The following OC90 variants were observed in gnomAD, a reference collection of about 807,000 sequenced individuals.
OC90 encodes the protein otoconin-90.
Under a neutral mutation model 47.3 loss-of-function variants are expected in OC90, and 46 were observed. The ratio of observed to expected loss-of-function variants is 0.97; its 90% CI spans 0.77 to 1.24. The LOEUF is 1.24. Ranked by LOEUF, OC90 falls within the 50% of genes most tolerant of loss-of-function variation. The probability of loss-of-function intolerance (pLI) is 0.00; values close to 1 mark genes in which losing one functional copy is unlikely to be tolerated. For missense variants in OC90, 688 were observed against 583.9 expected, an observed-to-expected ratio of 1.18 and a Z score of -1.84; for synonymous variants, 271 against 219.5, an observed-to-expected ratio of 1.23 and a Z score of -2.07.
At chr8:132,051,018 T>C (rs1823205661) in intron 2 of OC90, among the ~76,000 whole-genome samples, 1 of 152,102 alleles carries the variant, frequency 6.6e-6, no homozygotes, top group East Asian at 1.9e-4. Context: ...AATGATAATA[T>C]AACTGCATAA....
At chr8:132,044,872 G>C (rs1018387727) in intron 3 of OC90, among the ~76,000 whole-genome samples, 6 of 152,176 alleles carry the variant, frequency 3.9e-5, no homozygotes, top group Non-Finnish European at 7.3e-5. Context: ...GTCATTACTA[G>C]AGATACTGAT....
At chr8:132,035,183 C>G (rs114945430) in intron 9 of OC90, among the ~76,000 whole-genome samples, 2 of 152,216 alleles carry the variant, frequency 1.3e-5, no homozygotes, top group Non-Finnish European at 2.9e-5. Flanking sequence ...AGCACAGAGA[C>G]AGCAGAATTG....
intron 6 of OC90, among the ~76,000 whole-genome samples, chr8:132,039,387 C>G (rs1823021072): frequency 6.6e-6 from 1 of 152,180 alleles, no homozygotes; most frequent in African/African-American, 2.4e-5. Context: ...ATCTCCACAC[C>G]TCCACTGTAC....
chr8:132,055,950 T>G (rs189677969), intron 1 of OC90, among the ~76,000 whole-genome samples: 1 of 152,340 alleles, frequency 6.6e-6, no homozygotes, highest in East Asian at 1.9e-4. Context: ...TAAAATAATA[T>G]TTGCCCCCTT....
intron 2 of OC90, among the ~76,000 whole-genome samples, chr8:132,048,013 C>T (rs1823157329): frequency 6.6e-6 from 1 of 152,198 alleles, no homozygotes; most frequent in Non-Finnish European, 1.5e-5. Context: ...TCCATTTGCC[C>T]TTCCGCACTT....
chr8:132,046,838 G>A, intron 2 of OC90, among the ~76,000 whole-genome samples: 1 of 152,214 alleles, frequency 6.6e-6, no homozygotes, highest in Non-Finnish European at 1.5e-5. Flanking sequence ...ATCCTTCACA[G>A]AAGCATGTTA....
chr8:132,039,942 C>T (rs1016114113), intron 6 of OC90, among the ~76,000 whole-genome samples: 1 of 152,124 alleles, frequency 6.6e-6, no homozygotes, highest in Non-Finnish European at 1.5e-5. Flanking sequence ...CAGCTCTTGT[C>T]CCTCTCTAAC....
chr8:132,033,394 G>C (rs1012755977), intron 10 of OC90, among the ~76,000 whole-genome samples: 2 of 152,132 alleles, frequency 1.3e-5, no homozygotes, highest in Non-Finnish European at 2.9e-5. Flanking sequence ...AGACCACCTG[G>C]ATGACATCCC....
chr8:132,026,519 C>T (rs1482190626), intron 13 of OC90, among the ~76,000 whole-genome samples: 2 of 152,184 alleles, frequency 1.3e-5, no homozygotes, highest in Non-Finnish European at 2.9e-5. Context: ...CCACTCTGTC[C>T]TTCCTCCCTG....
intron 6 of OC90, among the ~76,000 whole-genome samples, chr8:132,039,944 C>T (rs532242003): frequency 6.6e-6 from 1 of 152,302 alleles, no homozygotes; most frequent in African/African-American, 2.4e-5. Flanking sequence ...GCTCTTGTCC[C>T]TCTCTAACAT....
Position 132,041,092 on chromosome 8 carries a change from C to T in OC90, c.409G>A (p.Ala137Thr), listed in dbSNP as rs749569286. 3.6e-5 allele frequency: 58 copies of T among 1,613,436 alleles called. No homozygotes were observed. The highest frequency in any genetic ancestry group is 5.3e-5 in the African/African-American group (4 of 74,914). ...AAEMDCLQDPAKLSTEVNCVS... is the reference protein window; with the variant it reads ...AAEMDCLQDPTKLSTEVNCVS... ...CAATTGACCTCTGTGCTAAGTTTGG[C>T]GGGGTCTTGGAGACAGTCCATCTCA... is the stretch of plus-strand genomic sequence containing the variant. Residue 137 changes from alanine to threonine, a missense_variant, in exon 6 of 14, where the codon GCC becomes ACC. Transcript: ENST00000254627.
At chr8:132,031,759 G>T in intron 12 of OC90, 122 bp downstream of exon 12, 1 of 765,012 alleles carries the variant, frequency 1.3e-6, no homozygotes, top group Non-Finnish European at 2.1e-6. Flanking sequence ...GAGCTGCTGT[G>T]TGCACCAAGC....
Position 132,057,808 on chromosome 8 carries a change from A to C in OC90, c.-48+1533T>G, listed in dbSNP as rs558733970. Reference sequence around the variant, plus strand: ...GTGACAACCCTCCAAGACTTTGGCTATCAAGACGTCTCACTTTCTAGACCA... The same window carrying C: ...GTGACAACCCTCCAAGACTTTGGCTCTCAAGACGTCTCACTTTCTAGACCA... On this transcript the variant is annotated intron_variant, in intron 1 of 13. Transcript: ENST00000254627. 2.6e-3 allele frequency among the ~76,000 whole-genome samples: 393 copies of C among 152,328 alleles called. 4 individuals carry two copies. Among genetic ancestry groups the C allele is most frequent in the South Asian group, 0.01 (49 of 4,828 alleles).
At chr8:132,035,075 A>G (rs752161790) in intron 9 of OC90, among the ~76,000 whole-genome samples, 17 of 152,242 alleles carry the variant, frequency 1.1e-4, no homozygotes, top group Non-Finnish European at 2.1e-4. Context: ...TCAGGCTGGA[A>G]GCAAGTGAGT....
At chr8:132,051,856 C>T (rs963813239) in intron 2 of OC90, among the ~76,000 whole-genome samples, 1 of 152,132 alleles carries the variant, frequency 6.6e-6, no homozygotes, top group Admixed American at 6.5e-5. Flanking sequence ...TGACTCAGCA[C>T]CAGGGCTTGA....
At position 132,028,416 on chromosome 8, in the gene OC90, C is replaced by T. The variant is rs112711066; in HGVS notation, c.1138+657G>A. Among the ~76,000 whole-genome samples the T allele has an allele frequency of 4.9e-3, 739 of 151,750 alleles. 6 individuals are homozygous for T. The highest frequency in any genetic ancestry group is 0.017 in the African/African-American group (704 of 41,316). On this transcript the variant is annotated intron_variant, in intron 13 of 13. Transcript: ENST00000254627. ...ACTTGGGAGGCTGAGGGAGGAGAATCGCTGGAATCAGGGGGTTAGAGGTTG... is the reference window on the plus strand; with the variant it reads ...ACTTGGGAGGCTGAGGGAGGAGAATTGCTGGAATCAGGGGGTTAGAGGTTG...
intron 5 of OC90, 80 bp downstream of exon 5, chr8:132,041,445 T>C: frequency 7.6e-7 from 1 of 1,307,206 alleles, no homozygotes; most frequent in Non-Finnish European, 1.1e-6. Flanking sequence ...TTTTCTGTAT[T>C]TGTGCTCTTG....
rs1563727831 is a variant in OC90 at position 132,028,821 on chromosome 8, A to AAGAAAAAGAAAGAAAGAAAGAAAAAG, written c.1138+251_1138+252insCTTTTTCTTTCTTTCTTTCTTTTTCT. Among the ~76,000 whole-genome samples, 305 of 142,480 alleles carry AAGAAAAAGAAAGAAAGAAAGAAAAAG rather than the reference A, an allele frequency of 2.1e-3. 7 individuals carry two copies. Among genetic ancestry groups the AAGAAAAAGAAAGAAAGAAAGAAAAAG allele is most frequent in the African/African-American group, 7.4e-3 (284 of 38,156 alleles). The allele number at this position is 142,480 out of a possible 152,430, so 93.5% of individuals were successfully genotyped here. A position where few individuals can be genotyped will look rare whatever the true frequency, so the allele number is the denominator to read the frequency against. On this transcript the variant is annotated intron_variant, in intron 13 of 13. Transcript: ENST00000254627. ...AAGGAAAGAAAGAAAGAAAGAAAGA[A>AAGAAAAAGAAAGAAAGAAAGAAAAAG]AAAGAAAGAAAGAAAGAAAAGGAAA... is the stretch of plus-strand genomic sequence containing the variant.
chr8:132,040,897 C>A, intron 6 of OC90, 147 bp downstream of exon 6: 1 of 623,844 alleles, frequency 1.6e-6, no homozygotes, highest in South Asian at 1.9e-5. Flanking sequence ...TTGATCCAGC[C>A]CTCGTGGGGC....
Sources: gnomAD v4.1 joint callset for allele counts (sites outside exome capture counted in the v4.1 genomes callset) on GRCh38, gnomAD v4.1.1 for gene constraint, MANE v1.5 for transcripts, NCBI Gene and HGNC (gene_info 2026-07-23, HGNC 2026-07-21) for gene names.